The following STOX2 variants were observed in gnomAD, a reference collection of about 807,000 sequenced individuals.
STOX2 encodes storkhead-box protein 2.
STOX2 carries 28 observed loss-of-function variants against 60.9 expected under a neutral mutation model. That is an observed-to-expected ratio of 0.46 (90% CI 0.34 to 0.63). STOX2 has a LOEUF of 0.63. Among genes scored for constraint, STOX2 ranks in the 30% least tolerant of loss-of-function variants. The pLI, the probability that STOX2 is intolerant of heterozygous loss-of-function variation, is 0.01. For synonymous variants in STOX2, 472 were observed against 463.9 expected (o/e 1.02, Z -0.22); for missense variants, 1,024 against 1,187.7 (o/e 0.86, Z 2.03).
At chr4:183,970,495 G>C (rs538237046) in intron 1 of STOX2, among the ~76,000 whole-genome samples, 8 of 152,164 alleles carry the variant, frequency 5.3e-5, no homozygotes, top group African/African-American at 1.7e-4. Flanking sequence ...GACCCCATTC[G>C]GTGGCCCAGG....
chr4:184,001,245 G>C lies in STOX2; in HGVS notation c.167-80G>C. 7.0e-7 allele frequency: 1 copy of C among 1,433,086 alleles called. No homozygotes were observed. Among genetic ancestry groups the C allele is most frequent in the Non-Finnish European group, 9.7e-7 (1 of 1,031,812 alleles). 88.8% of individuals were successfully genotyped at this position (1,433,086 alleles called of 1,614,324 possible). On this transcript the variant is annotated intron_variant, in intron 1 of 3. Coordinates refer to ENST00000308497, the MANE Select transcript of STOX2 (RefSeq NM_020225.3). This position sits in a 1 kb window ranked among gnomAD's most constrained non-coding sequence, Gnocchi z 4.2. ...GACTGTGTTCGTCAGACCAGGGCCA[G>C]ATGGACGCGTGAAGGCGTGTGTCTG...
rs2111267268 is a variant in STOX2 at position 184,019,725 on chromosome 4, TA to T, written c.*2444del. 6.6e-6 allele frequency: 1 copy of T among 152,362 alleles called. No homozygotes were observed. Among genetic ancestry groups the T allele is most frequent in the African/African-American group, 2.4e-5 (1 of 41,590 alleles). 9.4% of individuals were successfully genotyped at this position (152,362 alleles called of 1,614,324 possible). A position where few individuals can be genotyped will look rare whatever the true frequency, so the allele number is the denominator to read the frequency against. ...CCATTAGTGTAGAAATGATGGACTT[TA>T]AAGGTGATACCATGTAAGCAGATGT... On this transcript the variant is annotated 3_prime_UTR_variant, in exon 4 of 4. Coordinates refer to ENST00000308497, the MANE Select transcript of STOX2 (RefSeq NM_020225.3).
chr4:183,956,362 TTCTATCTATCTATCTATCTATCTA>T (rs57987067), intron 1 of STOX2, among the ~76,000 whole-genome samples: 6 of 149,200 alleles, frequency 4.0e-5, no homozygotes, highest in African/African-American at 1.2e-4. Context: ...GCTGCATTTG[TTCTATCTATCTATCTATCTATCTA>T]TCTATCTATC....
intron 1 of STOX2, among the ~76,000 whole-genome samples, chr4:183,898,581 G>A (rs1259556059): frequency 6.6e-6 from 1 of 151,186 alleles, no homozygotes; most frequent in Non-Finnish European, 1.5e-5. Flanking sequence ...AGCAGTGAAT[G>A]TTGTGGAAGG....
chr4:183,841,303 T>A (rs1206866844), intron 1 of STOX2, among the ~76,000 whole-genome samples: 1 of 152,100 alleles, frequency 6.6e-6, no homozygotes, highest in African/African-American at 2.4e-5. Context: ...CCTGGGTAGC[T>A]AGTACTATAG....
rs543009130 is a variant in STOX2, at chr4:183,996,878, C to T, written c.167-4447C>T. Among the ~76,000 whole-genome samples the T allele has an allele frequency of 2.6e-5, 4 of 152,250 alleles. No individual in the cohort carries two copies. The South Asian group carries it at 8.3e-4, about 32-fold the overall frequency. On this transcript the variant is annotated intron_variant, in intron 1 of 3. Transcript: ENST00000308497. ...GAGTCTTAGAAATTGCATGGGTAAA[C>T]TTATTTGTTCTCTTTTTGTTTGCTA...
At chr4:183,826,811 C>T (rs1739445811) in intron 1 of STOX2, among the ~76,000 whole-genome samples, 1 of 152,224 alleles carries the variant, frequency 6.6e-6, no homozygotes, top group Non-Finnish European at 1.5e-5. Flanking sequence ...GGACCAAAGA[C>T]CCTCAGAAGA....
intron 1 of STOX2, among the ~76,000 whole-genome samples, chr4:183,841,614 G>A (rs1739864442): frequency 6.6e-6 from 1 of 152,122 alleles, no homozygotes; most frequent in Admixed American, 6.5e-5. Context: ...TCATTTGTAA[G>A]TTGCCTTGCT....
At chr4:183,948,100 C>T (rs1443524399) in intron 1 of STOX2, among the ~76,000 whole-genome samples, 1 of 151,586 alleles carries the variant, frequency 6.6e-6, no homozygotes, top group Non-Finnish European at 1.5e-5. Context: ...CGCCTGTAAT[C>T]CCAGCTAGTC....
rs1375687059 is a variant in STOX2 at position 183,865,301 on chromosome 4, ATACTC to A, written c.364+67247_364+67251del. On this transcript the variant is annotated intron_variant, in intron 1 of 2. Transcript: ENST00000513034. This position sits in a 1 kb window ranked among gnomAD's most constrained non-coding sequence, Gnocchi z 4.1. ...GATTATTTATTCTCTCTCTTCTTAG[ATACTC>A]GGTTTTAAAGTGACTGGGGTGGGTG... Among the ~76,000 whole-genome samples, 5 of 152,140 alleles carry A rather than the reference ATACTC, an allele frequency of 3.3e-5. No homozygotes were observed. The highest frequency in any genetic ancestry group is 1.3e-4 in the Admixed American group (2 of 15,274).
intron 1 of STOX2, chr4:183,960,262 T>C (rs1397363504): frequency 1.3e-5 from 2 of 152,220 alleles, no homozygotes; most frequent in African/African-American, 4.8e-5. Flanking sequence ...CTAGAGTGAA[T>C]GCTCAGCTTG....
At chr4:183,847,378 A>G (rs1437430602) in intron 1 of STOX2, among the ~76,000 whole-genome samples, 2 of 152,140 alleles carry the variant, frequency 1.3e-5, no homozygotes, top group South Asian at 4.2e-4. Context: ...CCCAATTTGT[A>G]TTTCTTTGCC....
intron 1 of STOX2, among the ~76,000 whole-genome samples, chr4:183,957,184 A>AATG (rs1743276172): frequency 6.7e-6 from 1 of 150,068 alleles, no homozygotes; most frequent in African/African-American, 2.4e-5. Flanking sequence ...TAATAATAAT[A>AATG]AAAGAAAAAA....
chr4:183,852,961 G>A (rs1740195224), intron 1 of STOX2, among the ~76,000 whole-genome samples: 1 of 152,258 alleles, frequency 6.6e-6, no homozygotes, highest in South Asian at 2.1e-4. Context: ...CTCCAGATAA[G>A]GTAGGCAAGT....
intron 1 of STOX2, among the ~76,000 whole-genome samples, chr4:183,849,848 C>A (rs1180244162): frequency 6.6e-6 from 1 of 152,134 alleles, no homozygotes; most frequent in African/African-American, 2.4e-5. Flanking sequence ...ATTTTATTGC[C>A]CCATGATTTT....
chr4:183,861,344 T>G (rs1419828672), intron 1 of STOX2, among the ~76,000 whole-genome samples: 1 of 152,090 alleles, frequency 6.6e-6, no homozygotes, highest in African/African-American at 2.4e-5. Flanking sequence ...GGGGCCCCTG[T>G]CTTTGTCTGG....
intron 1 of STOX2, among the ~76,000 whole-genome samples, chr4:183,899,261 T>C (rs1296146785): frequency 6.6e-6 from 1 of 152,168 alleles, no homozygotes; most frequent in Non-Finnish European, 1.5e-5. Flanking sequence ...GGCCAATTAA[T>C]AACCCTGCAA....
At chr4:183,929,666 C>T (rs951714535) in intron 1 of STOX2, among the ~76,000 whole-genome samples, 1 of 152,268 alleles carries the variant, frequency 6.6e-6, no homozygotes, top group East Asian at 1.9e-4. Flanking sequence ...ACTCTCACTT[C>T]GCGCTGCCAT....
chr4:183,966,388 T>C (rs79228251), intron 1 of STOX2, among the ~76,000 whole-genome samples: 1,987 of 152,282 alleles, frequency 0.013, 19 homozygotes, highest in Non-Finnish European at 0.021. Flanking sequence ...CCCAAAGAGA[T>C]GGAGAAGTCA....
Sources: gnomAD v4.1 joint callset for allele counts (sites outside exome capture counted in the v4.1 genomes callset) on GRCh38, gnomAD v4.1.1 for gene constraint, Gnocchi (gnomAD v3.1) non-coding constraint, MANE v1.5 for transcripts, NCBI Gene and HGNC (gene_info 2026-07-23, HGNC 2026-07-21) for gene names.